Variants in PDE1C observed in about 807,000 individuals in gnomAD.
PDE1C encodes the protein dual specificity calcium/calmodulin-dependent 3',5'-cyclic nucleotide phosphodiesterase 1C.
PDE1C carries 62 observed loss-of-function variants against 93.1 expected under a neutral mutation model. That is an observed-to-expected ratio of 0.67 (90% CI 0.54 to 0.82). The LOEUF (loss-of-function observed/expected upper bound fraction) is 0.82, where lower values mean the gene tolerates loss of function less well. Ranked by LOEUF, PDE1C falls within the 40% of genes least tolerant of loss-of-function variation. The pLI is 0.00. For synonymous variants in PDE1C, 325 were observed against 310.1 expected (o/e 1.05, Z -0.50); for missense variants, 742 against 884.6 (o/e 0.84, Z 2.04).
chr7:31,716,607 A>G, the PDE1C span, among the ~76,000 whole-genome samples: 57 of 152,338 alleles, frequency 3.7e-4, no homozygotes, highest in African/African-American at 1.1e-3. Flanking sequence ...CTGTTTCCAG[A>G]GTCTGAGGGT....
intron 17 of PDE1C, among the ~76,000 whole-genome samples, chr7:31,771,701 ATG>A (rs1389339919): frequency 7.2e-5 from 11 of 152,234 alleles, no homozygotes; most frequent in Admixed American, 6.5e-5. Flanking sequence ...CACTGTATTC[ATG>A]TGTCTTTTGA....
At chr7:31,951,362 G>C (rs907090258) in intron 2 of PDE1C, among the ~76,000 whole-genome samples, 1 of 152,182 alleles carries the variant, frequency 6.6e-6, no homozygotes, top group Non-Finnish European at 1.5e-5. Context: ...AAGAAGAGTA[G>C]GTTCCAAACC....
intron 1 of PDE1C, among the ~76,000 whole-genome samples, chr7:32,293,879 C>T (rs771344944): frequency 6.6e-6 from 1 of 152,196 alleles, no homozygotes; most frequent in Non-Finnish European, 1.5e-5. Flanking sequence ...ACCCAGACTG[C>T]CTGCTTGTCT....
intron 1 of PDE1C, among the ~76,000 whole-genome samples, chr7:32,427,127 G>A (rs1161071831): frequency 6.6e-6 from 1 of 152,316 alleles, no homozygotes; most frequent in East Asian, 1.9e-4. Flanking sequence ...TATTCCCTCA[G>A]CTGAAGATGT....
intron 16 of PDE1C, among the ~76,000 whole-genome samples, chr7:31,798,180 A>T (rs1005568741): frequency 1.3e-5 from 2 of 151,812 alleles, no homozygotes; most frequent in Non-Finnish European, 2.9e-5. Flanking sequence ...TATGTGGAGT[A>T]TATATTTCAC....
chr7:31,814,586 GA>G (rs1334751342), intron 15 of PDE1C, among the ~76,000 whole-genome samples: 2 of 151,672 alleles, frequency 1.3e-5, no homozygotes, highest in Non-Finnish European at 2.9e-5. Flanking sequence ...TCTACATGTA[GA>G]AATCATTGAC....
chr7:31,978,311 G>A (rs1186815733), intron 2 of PDE1C, among the ~76,000 whole-genome samples: 1 of 152,066 alleles, frequency 6.6e-6, no homozygotes, highest in African/African-American at 2.4e-5. Context: ...TTAACTGATG[G>A]GTGTTTAGAG....
chr7:32,033,854 A>C (rs1324514631), intron 2 of PDE1C, among the ~76,000 whole-genome samples: 3 of 152,190 alleles, frequency 2.0e-5, no homozygotes, highest in Non-Finnish European at 4.4e-5. Flanking sequence ...TTAGACCTGG[A>C]CATTTAAATT....
At chr7:32,187,900 A>G (rs1386813979) in intron 2 of PDE1C, among the ~76,000 whole-genome samples, 1 of 152,204 alleles carries the variant, frequency 6.6e-6, no homozygotes, top group Non-Finnish European at 1.5e-5. Flanking sequence ...GCCACATTTC[A>G]AGTGCTTAAT....
At chr7:32,142,001 C>T (rs746766886) in intron 3 of PDE1C, among the ~76,000 whole-genome samples, 2 of 152,080 alleles carry the variant, frequency 1.3e-5, no homozygotes, top group Non-Finnish European at 2.9e-5. Flanking sequence ...TTTAGTTTGT[C>T]CATGACCACA....
At chr7:31,840,809 A>C (rs374150817) in intron 9 of PDE1C, among the ~76,000 whole-genome samples, 1 of 152,258 alleles carries the variant, frequency 6.6e-6, no homozygotes, top group East Asian at 1.9e-4. Flanking sequence ...GCTGCCTTGA[A>C]TACTGTAACT....
chr7:32,035,793 T>C (rs769673230), intron 2 of PDE1C, among the ~76,000 whole-genome samples: 109 of 152,110 alleles, frequency 7.2e-4, no homozygotes, highest in Admixed American at 2.6e-3. Flanking sequence ...TCCAAGTGTA[T>C]AGAGTCTATT....
intron 2 of PDE1C, among the ~76,000 whole-genome samples, chr7:32,016,640 G>A (rs1018514052): frequency 6.6e-6 from 1 of 152,174 alleles, no homozygotes; most frequent in Admixed American, 6.5e-5. Flanking sequence ...GGTTAAATCA[G>A]TAATGGTGCA....
At chr7:32,213,871 G>C (rs1806233827) in intron 1 of PDE1C, among the ~76,000 whole-genome samples, 1 of 152,186 alleles carries the variant, frequency 6.6e-6, no homozygotes, top group Non-Finnish European at 1.5e-5. Flanking sequence ...TAGGCACAGA[G>C]GGATGAGTAG....
chr7:31,721,481 CT>C, the PDE1C span, among the ~76,000 whole-genome samples: 1 of 152,140 alleles, frequency 6.6e-6, no homozygotes, highest in East Asian at 1.9e-4. Flanking sequence ...GTACTGGCTA[CT>C]GCATTGGGCA....
chr7:32,328,754 T>C (rs958210280), intron 1 of PDE1C, among the ~76,000 whole-genome samples: 1 of 152,082 alleles, frequency 6.6e-6, no homozygotes, highest in Non-Finnish European at 1.5e-5. Flanking sequence ...CAACAGTGAA[T>C]CTCCTCTGCA....
At chr7:32,079,007 G>A (rs1033219943) in intron 3 of PDE1C, among the ~76,000 whole-genome samples, 6 of 152,102 alleles carry the variant, frequency 3.9e-5, no homozygotes, top group Admixed American at 2.6e-4. Flanking sequence ...CAGGTGTGTA[G>A]GAGATGCAAA....
intron 3 of PDE1C, among the ~76,000 whole-genome samples, chr7:32,105,560 A>G (rs1343289539): frequency 6.6e-6 from 1 of 151,824 alleles, no homozygotes; most frequent in African/African-American, 2.4e-5. Flanking sequence ...AAGGACATAC[A>G]CTCCTCTTCC....
intron 3 of PDE1C, among the ~76,000 whole-genome samples, chr7:32,112,569 G>A (rs180870361): frequency 2.7e-5 from 4 of 150,860 alleles, no homozygotes; most frequent in Admixed American, 2.0e-4. Flanking sequence ...CAATCCTTCT[G>A]CCTCAGCCTT....
Sources: allele counts gnomAD v4.1 joint callset (sites outside exome capture counted in the v4.1 genomes callset), GRCh38; gene constraint gnomAD v4.1.1; transcripts MANE v1.5; gene names NCBI Gene and HGNC (gene_info 2026-07-23, HGNC 2026-07-21).